The following KCNIP4 variants were observed in gnomAD, a reference collection of about 807,000 sequenced individuals.
KCNIP4 encodes the protein potassium voltage-gated channel interacting protein 4.
KCNIP4 carries 12 observed loss-of-function variants against 34.0 expected under a neutral mutation model. The ratio of observed to expected loss-of-function variants is 0.35; its 90% confidence interval spans 0.23 to 0.57. The LOEUF is 0.57. Among genes scored for constraint, KCNIP4 ranks in the 20% least tolerant of loss-of-function variants. KCNIP4 has a pLI of 0.83. For synonymous variants in KCNIP4, 124 were observed against 102.2 expected, an observed-to-expected ratio of 1.21 and a Z score of -1.29; for missense variants, 238 against 311.7, an observed-to-expected ratio of 0.76 and a Z score of 1.78.
intron 1 of KCNIP4, among the ~76,000 whole-genome samples, chr4:21,237,411 T>A (rs1054048550): frequency 6.6e-6 from 1 of 152,068 alleles, no homozygotes; most frequent in Non-Finnish European, 1.5e-5. Context: ...TCCACATAGA[T>A]CTCCAGTCTC....
intron 1 of KCNIP4, among the ~76,000 whole-genome samples, chr4:20,908,387 A>C (rs766626028): frequency 2.6e-4 from 40 of 152,252 alleles, no homozygotes; most frequent in Admixed American, 4.6e-4. Context: ...GAACCACCGC[A>C]CCCGGCCTCG....
At chr4:21,318,398 G>C (rs557439362) in intron 1 of KCNIP4, among the ~76,000 whole-genome samples, 52 of 152,232 alleles carry the variant, frequency 3.4e-4, no homozygotes, top group Non-Finnish European at 1.2e-4. Context: ...TTAATTTCTT[G>C]CTACTCAAGG....
chr4:21,482,685 T>A (rs1358986431), intron 1 of KCNIP4, among the ~76,000 whole-genome samples: 5 of 152,172 alleles, frequency 3.3e-5, no homozygotes, highest in African/African-American at 7.2e-5. Context: ...AGATCAGCTG[T>A]TAGTCTGATG....
rs968006109 is a variant in KCNIP4 at position 21,501,244 on chromosome 4, T to A, written c.61+447327A>T. ...GCCTTTCTCTCTCTCTCTCTCTCTCTCTCTCACACACACACACACACACAC... is the reference window on the plus strand; with the variant it reads ...GCCTTTCTCTCTCTCTCTCTCTCTCACTCTCACACACACACACACACACAC... On this transcript the variant is annotated intron_variant, in intron 1 of 8. Coordinates refer to ENST00000382152, the MANE Select transcript of KCNIP4 (RefSeq NM_025221.6). Among the ~76,000 whole-genome samples the A allele has an allele frequency of 8.0e-3, 1,141 of 142,478 alleles. 11 individuals carry two copies. The highest frequency in any genetic ancestry group is 0.03 in the African/African-American group (1,095 of 36,072). 93.5% of individuals were successfully genotyped at this position (142,478 alleles called of 152,430 possible). A position where few individuals can be genotyped will look rare whatever the true frequency, so the allele number is the denominator to read the frequency against.
intron 1 of KCNIP4, among the ~76,000 whole-genome samples, chr4:21,696,036 ACT>A (rs1160781289): frequency 1.3e-5 from 2 of 152,054 alleles, no homozygotes; most frequent in African/African-American, 2.4e-5. Flanking sequence ...TCAGATACAG[ACT>A]CTCAATGATT....
intron 1 of KCNIP4, among the ~76,000 whole-genome samples, chr4:21,267,067 T>C (rs925485075): frequency 6.6e-6 from 1 of 152,184 alleles, no homozygotes; most frequent in African/African-American, 2.4e-5. Context: ...AGTGCCCAGC[T>C]CAGCTATGAC....
chr4:21,206,823 C>T (rs1484174141), intron 1 of KCNIP4, among the ~76,000 whole-genome samples: 1 of 152,158 alleles, frequency 6.6e-6, no homozygotes, highest in Non-Finnish European at 1.5e-5. Flanking sequence ...AAGGTCATAA[C>T]ACAGCTAGTA....
intron 1 of KCNIP4, among the ~76,000 whole-genome samples, chr4:21,590,707 A>G (rs1393502376): frequency 2.0e-5 from 3 of 152,004 alleles, no homozygotes; most frequent in African/African-American, 7.2e-5. Flanking sequence ...ATGTGATCCC[A>G]ATGGGTCATT....
At chr4:21,468,588 G>C (rs1166530810) in intron 1 of KCNIP4, among the ~76,000 whole-genome samples, 1 of 152,054 alleles carries the variant, frequency 6.6e-6, no homozygotes, top group Non-Finnish European at 1.5e-5. Context: ...CACTCTCTGG[G>C]GACGAGTCAT....
At chr4:21,716,313 T>C (rs1714373838) in intron 1 of KCNIP4, among the ~76,000 whole-genome samples, 1 of 152,158 alleles carries the variant, frequency 6.6e-6, no homozygotes, top group Non-Finnish European at 1.5e-5. Flanking sequence ...CTCGGCTCAC[T>C]GCACCCTCTG....
At chr4:20,732,842 A>G (rs1329637320) in intron 6 of KCNIP4, 57 bp from the exon 7 acceptor site, 1 of 1,057,340 alleles carries the variant, frequency 9.5e-7, no homozygotes, top group Non-Finnish European at 1.4e-6. Flanking sequence ...AAACCAGTCT[A>G]AGAAGCTCTG....
intron 1 of KCNIP4, among the ~76,000 whole-genome samples, chr4:21,385,396 T>C (rs1010243678): frequency 6.6e-6 from 1 of 151,824 alleles, no homozygotes; most frequent in Admixed American, 6.6e-5. Flanking sequence ...TAGCAGAAAA[T>C]AAGAATACAA....
intron 1 of KCNIP4, among the ~76,000 whole-genome samples, chr4:21,006,659 T>C (rs1306913413): frequency 1.3e-5 from 2 of 152,232 alleles, no homozygotes; most frequent in African/African-American, 4.8e-5. Context: ...GTAGAATGAG[T>C]GTTTCAGAAG....
chr4:20,873,127 C>T (rs73802383), intron 2 of KCNIP4, among the ~76,000 whole-genome samples: 10 of 152,252 alleles, frequency 6.6e-5, no homozygotes, highest in Admixed American at 2.0e-4. Flanking sequence ...CCTTCCACCA[C>T]GATTGCCATG....
At chr4:21,014,903 A>C (rs1302510390) in intron 1 of KCNIP4, among the ~76,000 whole-genome samples, 2 of 152,218 alleles carry the variant, frequency 1.3e-5, no homozygotes, top group African/African-American at 4.8e-5. Context: ...ATATGGCATA[A>C]TATACATACA....
chr4:21,910,206 T>A (rs1578135446), intron 1 of KCNIP4, among the ~76,000 whole-genome samples: 1 of 151,940 alleles, frequency 6.6e-6, no homozygotes, highest in African/African-American at 2.4e-5. Flanking sequence ...TCAGGTAATA[T>A]CCAATCTTCT....
chr4:21,862,970 A>AAAG (rs1725179637), intron 1 of KCNIP4, among the ~76,000 whole-genome samples: 1 of 151,790 alleles, frequency 6.6e-6, no homozygotes, highest in Non-Finnish European at 1.5e-5. Context: ...CAAAAAAAGA[A>AAAG]AAAAAAAGAA....
intron 1 of KCNIP4, among the ~76,000 whole-genome samples, chr4:21,299,368 C>T (rs1215000041): frequency 6.6e-6 from 1 of 151,986 alleles, no homozygotes; most frequent in East Asian, 1.9e-4. Flanking sequence ...TCTGAATATA[C>T]TAAATCTTTT....
At chr4:21,944,081 C>T (rs371912041) in intron 1 of KCNIP4, among the ~76,000 whole-genome samples, 3 of 151,058 alleles carry the variant, frequency 2.0e-5, no homozygotes, top group African/African-American at 7.3e-5. Context: ...ATGAGTCTGA[C>T]GAGCAGAAGA....
Sources: allele counts gnomAD v4.1 joint callset (sites outside exome capture counted in the v4.1 genomes callset), GRCh38; gene constraint gnomAD v4.1.1; transcripts MANE v1.5; gene names NCBI Gene and HGNC (gene_info 2026-07-23, HGNC 2026-07-21).